SESN1: variants seen among roughly 807,000 people sequenced by gnomAD.
The protein encoded by SESN1 is sestrin-1.
In SESN1, 30 loss-of-function variants were observed where a neutral mutation model predicts 59.3. That is an observed-to-expected ratio of 0.51 (90% CI 0.38 to 0.69). SESN1 has a LOEUF of 0.69. Ranked by LOEUF, SESN1 falls within the 30% of genes least tolerant of loss-of-function variation. SESN1 has a pLI of 0.00. For missense variants in SESN1, 566 were observed against 673.0 expected, an observed-to-expected ratio of 0.84 and a Z score of 1.76; for synonymous variants, 197 against 219.9, an observed-to-expected ratio of 0.90 and a Z score of 0.92.
intron 1 of SESN1, among the ~76,000 whole-genome samples, chr6:109,040,378 G>C (rs1443459567): frequency 1.3e-5 from 2 of 152,138 alleles, no homozygotes; most frequent in Non-Finnish European, 2.9e-5. Context: ...GTTGAAGAAG[G>C]ATTAAAAGGT....
At chr6:109,010,954 T>C (rs1472624587) in intron 1 of SESN1, among the ~76,000 whole-genome samples, 1 of 152,206 alleles carries the variant, frequency 6.6e-6, no homozygotes, top group Non-Finnish European at 1.5e-5. Flanking sequence ...GTTGGACACA[T>C]AAATGCACTT....
intron 1 of SESN1, among the ~76,000 whole-genome samples, chr6:109,076,309 T>G (rs1781032058): frequency 6.6e-6 from 1 of 152,198 alleles, no homozygotes; most frequent in Non-Finnish European, 1.5e-5. Flanking sequence ...GTAAGTTTAA[T>G]TTGCTTGATA....
At position 108,986,426 on chromosome 6, in the gene SESN1, G is replaced by T. The variant is rs1353750248; in HGVS notation, c.*1118C>A. The T allele has an allele frequency of 2.0e-5, 3 of 152,590 alleles. No individual in the cohort carries two copies. Among genetic ancestry groups the T allele is most frequent in the Non-Finnish European group, 4.4e-5 (3 of 68,022 alleles). 9.5% of individuals were successfully genotyped at this position (152,590 alleles called of 1,614,324 possible). ...TGAAGTCATGATTTTTTAAGAGATT[G>T]AGACAGCAAATAAAATTGGAGAAAA... On this transcript the variant is annotated 3_prime_UTR_variant, in exon 10 of 10. Transcript: ENST00000436639.
At chr6:109,084,894 G>A (rs1336336415) in intron 1 of SESN1, among the ~76,000 whole-genome samples, 1 of 151,888 alleles carries the variant, frequency 6.6e-6, no homozygotes, top group Non-Finnish European at 1.5e-5. Flanking sequence ...TTTGAAAAGT[G>A]TGCCACAAAC....
chr6:109,064,710 TGAAG>T (rs1178073037), intron 1 of SESN1, among the ~76,000 whole-genome samples: 3 of 43,880 alleles, frequency 6.8e-5, no homozygotes, highest in Non-Finnish European at 1.2e-4. Flanking sequence ...GGGAGAGAGA[TGAAG>T]GAAGGAAGGG....
At chr6:109,074,147 A>G (rs544744888) in intron 1 of SESN1, among the ~76,000 whole-genome samples, 8 of 152,210 alleles carry the variant, frequency 5.3e-5, no homozygotes, top group Non-Finnish European at 8.8e-5. Flanking sequence ...GTAGCCTAAG[A>G]GCAATAGCCT....
rs202200843 is a variant in SESN1, at chr6:109,093,786, C to T, written c.279+9G>A. On this transcript the variant is annotated intron_variant, in intron 1 of 9. Coordinates refer to ENST00000436639, the MANE Select transcript of SESN1 (RefSeq NM_014454.3). Reference sequence around the variant, plus strand: ...GAGACATAGTTGTATTTAAAATGCTCTTCCTTACCTGGATGCTCTTCAGAA... The same window carrying T: ...GAGACATAGTTGTATTTAAAATGCTTTTCCTTACCTGGATGCTCTTCAGAA... 6.2e-7 allele frequency: 1 copy of T among 1,609,978 alleles called. No homozygotes were observed. The highest frequency in any genetic ancestry group is 8.5e-7 in the Non-Finnish European group (1 of 1,177,222).
chr6:109,045,877 T>C (rs1766788250), intron 1 of SESN1, among the ~76,000 whole-genome samples: 1 of 152,188 alleles, frequency 6.6e-6, no homozygotes, highest in Admixed American at 6.5e-5. Flanking sequence ...TAATACATGT[T>C]TCTGAAATAA....
chr6:108,988,479 T>C, intron 9 of SESN1, 64 bp downstream of exon 9: 1 of 1,403,082 alleles, frequency 7.1e-7, no homozygotes, highest in South Asian at 1.4e-5. Context: ...ACCATTAGGT[T>C]AGGTGAAGGA....
intron 1 of SESN1, among the ~76,000 whole-genome samples, chr6:109,023,718 A>G (rs1275449440): frequency 2.6e-5 from 4 of 152,210 alleles, no homozygotes; most frequent in Admixed American, 2.6e-4. Context: ...TACTAAAGAG[A>G]AAGCAACAGG....
chr6:109,086,575 G>C (rs1007937098), intron 1 of SESN1, among the ~76,000 whole-genome samples: 1 of 152,042 alleles, frequency 6.6e-6, no homozygotes, highest in African/African-American at 2.4e-5. Flanking sequence ...CTTCATGAAT[G>C]GTCTGCACAT....
chr6:109,084,864 G>C (rs1026555103), intron 1 of SESN1, among the ~76,000 whole-genome samples: 2 of 152,006 alleles, frequency 1.3e-5, no homozygotes, highest in African/African-American at 4.8e-5. Context: ...ACAAACTAAA[G>C]GTTGTTTTTA....
rs1781424684 is a variant in SESN1 at position 109,094,272 on chromosome 6, G to C, written c.-199C>G. 1.7e-6 allele frequency: 1 copy of C among 586,870 alleles called. No individual in the cohort carries two copies. Among genetic ancestry groups the C allele is most frequent in the East Asian group, 2.9e-5 (1 of 34,696 alleles). The allele number at this position is 586,870 out of a possible 1,614,324, so 36.4% of individuals were successfully genotyped here. ...TAGGTCACCCTCTCACCCTCTCCTT[G>C]TACACGAAAGGGCAGTCTTCTTTCT... On this transcript the variant is annotated 5_prime_UTR_variant, in exon 1 of 10. Coordinates refer to ENST00000436639, the MANE Select transcript of SESN1 (RefSeq NM_014454.3).
intron 1 of SESN1, among the ~76,000 whole-genome samples, chr6:109,045,028 A>G (rs1430847397): frequency 6.6e-6 from 1 of 152,032 alleles, no homozygotes; most frequent in Non-Finnish European, 1.5e-5. Context: ...CATTTCAAAA[A>G]AAAAAAAGCT....
chr6:109,014,880 T>A (rs1054974835), intron 1 of SESN1, among the ~76,000 whole-genome samples: 2 of 152,184 alleles, frequency 1.3e-5, no homozygotes, highest in Non-Finnish European at 2.9e-5. Flanking sequence ...CTCAAACAAA[T>A]CACACTAATT....
chr6:109,053,686 A>C (rs928403901), intron 1 of SESN1, among the ~76,000 whole-genome samples: 2 of 152,258 alleles, frequency 1.3e-5, no homozygotes, highest in Non-Finnish European at 2.9e-5. Flanking sequence ...AGAAGGCATT[A>C]GACGCTTTCA....
At chr6:109,050,928 T>A (rs1384208944) in intron 1 of SESN1, among the ~76,000 whole-genome samples, 1 of 152,224 alleles carries the variant, frequency 6.6e-6, no homozygotes, top group African/African-American at 2.4e-5. Context: ...AATGTGGTCC[T>A]CAGCCACCTC....
chr6:109,055,940 C>T (rs1780626118), intron 1 of SESN1, among the ~76,000 whole-genome samples: 1 of 152,148 alleles, frequency 6.6e-6, no homozygotes, highest in Non-Finnish European at 1.5e-5. Flanking sequence ...AGAATTTTTA[C>T]TGCCTAAATA....
intron 1 of SESN1, among the ~76,000 whole-genome samples, chr6:109,064,236 C>T (rs1258252259): frequency 6.6e-6 from 1 of 151,986 alleles, no homozygotes; most frequent in Non-Finnish European, 1.5e-5. Context: ...CCTCAAACAG[C>T]TATACCCTTA....
Sources: gnomAD v4.1 joint callset for allele counts (sites outside exome capture counted in the v4.1 genomes callset) on GRCh38, gnomAD v4.1.1 for gene constraint, MANE v1.5 for transcripts, NCBI Gene and HGNC (gene_info 2026-07-23, HGNC 2026-07-21) for gene names.